The following SALL4 variants were observed in gnomAD, a reference collection of about 807,000 sequenced individuals.
SALL4 encodes the protein spalt like transcription factor 4.
In SALL4, 4 loss-of-function variants were observed where a neutral mutation model predicts 60.8. The ratio of observed to expected loss-of-function variants is 0.07; its 90% confidence interval spans 0.03 to 0.15. The LOEUF (loss-of-function observed/expected upper bound fraction) is 0.15. Among genes scored for constraint, SALL4 ranks in the 10% least tolerant of loss-of-function variants. The pLI is 1.00. For synonymous variants in SALL4, 580 were observed against 574.9 expected, an observed-to-expected ratio of 1.01 and a Z score of -0.13; for missense variants, 1,178 against 1,394.7, an observed-to-expected ratio of 0.84 and a Z score of 2.48.
intron 1 of SALL4, among the ~76,000 whole-genome samples, chr20:51,802,039 AG>A (rs2078113382): frequency 1.3e-5 from 2 of 151,158 alleles, no homozygotes; most frequent in East Asian, 3.9e-4. Flanking sequence ...TTTTACAATT[AG>A]GGGAGAAAGC....
In SALL4 at chr20:51,784,604, C is replaced by A. The variant is rs776838731; in HGVS notation, c.2823G>T (p.Leu941=). The A allele has an allele frequency of 6.2e-7, 1 of 1,614,198 alleles. No homozygotes were observed. Among genetic ancestry groups the A allele is most frequent in the East Asian group, 2.2e-5 (1 of 44,878 alleles). ...AGACTCTTTTTCCGTCCGTACCTAA[C>A]AGAGCCATGGTGTTCTCGATGGCCA... ...RKLAIENTMA[L]LGTDGKRVSE... is the part of the protein sequence containing the mutation. The change falls in exon 4 of 4, where the codon CTG becomes CTT. Residue 941 remains leucine, a synonymous_variant. Coordinates refer to ENST00000217086, the MANE Select transcript of SALL4 (RefSeq NM_020436.5).
intron 3 of SALL4, among the ~76,000 whole-genome samples, chr20:51,785,635 C>CA (rs904730452): frequency 6.6e-6 from 1 of 151,992 alleles, no homozygotes; most frequent in African/African-American, 2.4e-5. Context: ...CCAGGGTTAA[C>CA]ATTTTTTTTT....
In SALL4 at chr20:51,784,104, G is replaced by A. The variant is rs891720120; in HGVS notation, c.*161C>T. ...TGCAAAGCAGCATAGCAACAATCGT[G>A]ATTGTAGCACTTGCCTGAGGTTGTG... On this transcript the variant is annotated 3_prime_UTR_variant, in exon 4 of 4. Coordinates refer to ENST00000217086, the MANE Select transcript of SALL4 (RefSeq NM_020436.5). 3.8e-6 allele frequency: 3 copies of A among 781,100 alleles called. No homozygotes were observed. Among genetic ancestry groups the A allele is most frequent in the Non-Finnish European group, 4.2e-6 (2 of 478,956 alleles). 48.4% of individuals were successfully genotyped at this position (781,100 alleles called of 1,614,324 possible). A position where few individuals can be genotyped will look rare whatever the true frequency, so the allele number is the denominator to read the frequency against.
chr20:51,783,146 A>T lies in SALL4; in HGVS notation c.*1119T>A. 1 of 152,154 alleles carries T rather than the reference A, an allele frequency of 6.6e-6. No homozygotes were observed. Among genetic ancestry groups the T allele is most frequent in the Non-Finnish European group, 1.5e-5 (1 of 68,026 alleles). The allele number at this position is 152,154 out of a possible 1,614,324, so 9.4% of individuals were successfully genotyped here. A position where few individuals can be genotyped will look rare whatever the true frequency, so the allele number is the denominator to read the frequency against. On this transcript the variant is annotated 3_prime_UTR_variant, in exon 4 of 4. Transcript: ENST00000217086. ...CTCGAGCATGAAAACCCAGTTCTTC[A>T]ATAGAGTAGGCACTGGCAAACTAAG...
intron 3 of SALL4, among the ~76,000 whole-genome samples, chr20:51,785,836 G>A (rs1397588875): frequency 1.3e-5 from 2 of 151,962 alleles, no homozygotes; most frequent in South Asian, 2.1e-4. Context: ...TAGAGACGGG[G>A]TTTCACCATG....
At position 51,802,403 on chromosome 20, in the gene SALL4, C is replaced by A. The variant is rs773290084; in HGVS notation, c.6G>T (p.Ser2=). Reference sequence around the variant, plus strand: ...GCTGGGGTTTCGCCTGCTTGCGCCTCGACATGGTGCGAGCATCGGGGCGCC... The same window carrying A: ...GCTGGGGTTTCGCCTGCTTGCGCCTAGACATGGTGCGAGCATCGGGGCGCC... The part of the protein sequence containing the change: M[S]RRKQAKPQHI... The change falls in exon 1 of 4, where the codon TCG becomes TCT. Residue 2 remains serine, a synonymous_variant. Transcript: ENST00000217086. 3.7e-6 allele frequency: 6 copies of A among 1,612,380 alleles called. No individual in the cohort carries two copies. The South Asian group carries it at 5.5e-5, about 15-fold the overall frequency.
In SALL4 at chr20:51,784,648, C is replaced by A. The variant is rs2077979519; in HGVS notation, c.2779G>T (p.Ala927Ser). 6.2e-7 allele frequency: 1 copy of A among 1,614,044 alleles called. No homozygotes were observed. Among genetic ancestry groups the A allele is most frequent in the Non-Finnish European group, 8.5e-7 (1 of 1,180,044 alleles). ...ATGGCCAACTTCCTTCCACGGCGGG[C>A]TGAGTTATTGTTCGCCCCGTGTGTC... is the stretch of plus-strand genomic sequence containing the variant. Reference protein sequence around the residue: ...YMTHGANNNSARRGRKLAIEN... With the variant: ...YMTHGANNNSSRRGRKLAIEN... Residue 927 changes from alanine (A) to serine (S), a missense_variant, in exon 4 of 4, where the codon GCC (alanine) becomes TCC (serine). Ala to Ser is a moderately conservative substitution (Grantham distance 99). Coordinates refer to ENST00000217086, the MANE Select transcript of SALL4 (RefSeq NM_020436.5).
intron 2 of SALL4, 83 bp downstream of exon 2, chr20:51,789,939 T>C: frequency 1.3e-6 from 2 of 1,562,268 alleles, no homozygotes; most frequent in South Asian, 1.1e-5. Context: ...AGTCATACTC[T>C]CCGTTTGTAA....
At chr20:51,785,867 C>T (rs1457424512) in intron 3 of SALL4, among the ~76,000 whole-genome samples, 1 of 151,926 alleles carries the variant, frequency 6.6e-6, no homozygotes, top group Admixed American at 6.6e-5. Context: ...TGGTCTTGAT[C>T]TCGTGACCTC....
chr20:51,787,595 G>A (rs1385597764), intron 3 of SALL4, among the ~76,000 whole-genome samples: 3 of 152,088 alleles, frequency 2.0e-5, no homozygotes, highest in African/African-American at 7.2e-5. Context: ...ACTAGCACCT[G>A]GCTGCTTTCT....
intron 1 of SALL4, among the ~76,000 whole-genome samples, chr20:51,797,909 C>A (rs894801223): frequency 7.9e-5 from 12 of 152,054 alleles, no homozygotes. Flanking sequence ...AAAAGTAAAA[C>A]CTGTATATCT....
In SALL4 at chr20:51,799,266, A is replaced by T. The variant is rs73273506; in HGVS notation, c.130+3013T>A. Among the ~76,000 whole-genome samples the T allele has an allele frequency of 3.5e-3, 529 of 152,300 alleles. 2 individuals carry two copies. The highest frequency in any genetic ancestry group is 0.011 in the African/African-American group (466 of 41,556). The stretch of plus-strand genomic sequence containing the variant: ...TTTATCACTGCTATATAGAGGAGGA[A>T]CCCAAAAACTCAGAAAAAACAAAAA... On this transcript the variant is annotated intron_variant, in intron 1 of 3. Transcript: ENST00000217086.
intron 1 of SALL4, among the ~76,000 whole-genome samples, 156 bp from the exon 2 acceptor site, chr20:51,792,508 G>A (rs1006539891): frequency 6.6e-6 from 1 of 151,832 alleles, no homozygotes; most frequent in Non-Finnish European, 1.5e-5. Context: ...GGCCAACATG[G>A]TGAGACCCTG....
rs750369328 is a variant in SALL4 at position 51,790,730 on chromosome 20, A to C, written c.1753T>G (p.Tyr585Asp). The part of the protein sequence containing the change: ...LSCQSSLKMH[Y>D]RTHTGERPFQ... The stretch of plus-strand genomic sequence containing the variant: ...GGTCTCTCCCCGGTGTGGGTGCGAT[A>C]ATGCATCTTGAGGGAGCTCTGACAG... Residue 585 changes from tyrosine (Y) to aspartate (D), a missense_variant, in exon 2 of 4, where the codon TAT (tyrosine) becomes GAT (aspartate). This residue lies in a region of SALL4 where 853 missense variants were observed against 1,036.8 expected (regional missense o/e 0.82). Transcript: ENST00000217086. This position sits in a 1 kb window ranked among gnomAD's most constrained non-coding sequence, Gnocchi z 5.5. 6.2e-7 allele frequency: 1 copy of C among 1,613,948 alleles called. No individual in the cohort carries two copies. Among genetic ancestry groups the C allele is most frequent in the Non-Finnish European group, 8.5e-7 (1 of 1,179,984 alleles).
intron 2 of SALL4, 52 bp downstream of exon 2, chr20:51,789,970 T>C (rs2078022357): frequency 6.2e-7 from 1 of 1,611,790 alleles, no homozygotes; most frequent in Non-Finnish European, 8.5e-7. Flanking sequence ...AGGCTCCTTT[T>C]TGATGACCTT....
chr20:51,802,195 C>A (rs2078114592), intron 1 of SALL4, 84 bp downstream of exon 1: 4 of 1,470,206 alleles, frequency 2.7e-6, no homozygotes, highest in Middle Eastern at 2.5e-4. Flanking sequence ...GGACGCCGCC[C>A]GCTCCCCGAA....
rs570143372 is a variant in SALL4, at chr20:51,796,126, G to A, written c.131-3774C>T. On this transcript the variant is annotated intron_variant, in intron 1 of 3. Transcript: ENST00000217086. Reference sequence around the variant, plus strand: ...AGGTGGGAGAATTGCTTGAACCCGGGAGGTGGAGGTTGCAGTGAGCCGAGA... The same window carrying A: ...AGGTGGGAGAATTGCTTGAACCCGGAAGGTGGAGGTTGCAGTGAGCCGAGA... Among the ~76,000 whole-genome samples the A allele has an allele frequency of 2.0e-3, 296 of 150,208 alleles. 2 individuals carry two copies. The highest frequency in any genetic ancestry group is 7.0e-3 in the African/African-American group (286 of 41,056).
intron 1 of SALL4, among the ~76,000 whole-genome samples, chr20:51,794,101 T>C (rs1283035659): frequency 6.6e-6 from 1 of 152,264 alleles, no homozygotes; most frequent in Non-Finnish European, 1.5e-5. Flanking sequence ...CCAGGACTGC[T>C]GAGAACAATG....
intron 1 of SALL4, among the ~76,000 whole-genome samples, chr20:51,798,861 A>G (rs1242947269): frequency 6.6e-6 from 1 of 151,834 alleles, no homozygotes; most frequent in African/African-American, 2.4e-5. Context: ...AAAACAAAAC[A>G]AAACAAAACA....
Sources: gnomAD v4.1 joint callset for allele counts (sites outside exome capture counted in the v4.1 genomes callset) on GRCh38, gnomAD v4.1.1 for gene constraint, gnomAD v4.1.1 regional missense constraint, Gnocchi (gnomAD v3.1) non-coding constraint, MANE v1.5 for transcripts, NCBI Gene and HGNC (gene_info 2026-07-23, HGNC 2026-07-21) for gene names.